RAD54L: variants seen among roughly 807,000 people sequenced by gnomAD.
RAD54L encodes the protein RAD54 like.
RAD54L carries 74 observed loss-of-function variants against 91.6 expected under a neutral mutation model. The observed-to-expected ratio is 0.81, with a 90% CI of 0.67 to 0.98. The LOEUF is 0.98. RAD54L is among the 50% of genes least tolerant of loss of function. The pLI, the probability that RAD54L is intolerant of heterozygous loss-of-function variation, is 0.00. For missense variants in RAD54L, 887 were observed against 945.7 expected (o/e 0.94, Z 0.81); for synonymous variants, 304 against 349.7 (o/e 0.87, Z 1.46).
intron 6 of RAD54L, 26 bp downstream of exon 6, chr1:46,260,637 T>C (rs1660084963): frequency 6.2e-7 from 1 of 1,613,618 alleles, no homozygotes; most frequent in East Asian, 2.2e-5. Context: ...GGGAACGAGG[T>C]ATGGGCTATG....
In RAD54L at chr1:46,278,433, A is replaced by G. The variant is rs1660689928; in HGVS notation, c.*151A>G. On this transcript the variant is annotated 3_prime_UTR_variant, in exon 18 of 18. Transcript: ENST00000371975. Reference sequence around the variant, plus strand: ...GCCCAAAATTTATTTTATAAGAAAAACTTTTTTGGTTAAAAAAAAGAATAA... The same window carrying G: ...GCCCAAAATTTATTTTATAAGAAAAGCTTTTTTGGTTAAAAAAAAGAATAA... 5.3e-6 allele frequency: 5 copies of G among 946,652 alleles called. No homozygotes were observed. The highest frequency in any genetic ancestry group is 8.1e-6 in the Non-Finnish European group (5 of 620,616). 58.6% of individuals were successfully genotyped at this position (946,652 alleles called of 1,614,324 possible).
intron 16 of RAD54L, among the ~76,000 whole-genome samples, chr1:46,277,291 TAG>T (rs1660637560): frequency 6.6e-6 from 1 of 152,344 alleles, no homozygotes; most frequent in Admixed American, 6.5e-5. Context: ...AGCTCAAGGA[TAG>T]AGTTTCAAGT....
At chr1:46,269,930 C>T (rs1272359858) in intron 9 of RAD54L, among the ~76,000 whole-genome samples, 1 of 151,746 alleles carries the variant, frequency 6.6e-6, no homozygotes, top group Non-Finnish European at 1.5e-5. Context: ...TGGCAAAATC[C>T]CATCTCTACA....
intron 9 of RAD54L, 184 bp downstream of exon 9, chr1:46,267,793 A>T: frequency 1.3e-6 from 1 of 798,068 alleles, no homozygotes; most frequent in Non-Finnish European, 2.0e-6. Context: ...TCTGCTGAGC[A>T]ACTCAGCAAA....
intron 3 of RAD54L, among the ~76,000 whole-genome samples, chr1:46,250,479 G>A (rs1659767449): frequency 6.6e-6 from 1 of 152,144 alleles, no homozygotes; most frequent in Non-Finnish European, 1.5e-5. Flanking sequence ...CACCATGGCA[G>A]GTTCTGTGCA....
chr1:46,256,964 T>C (rs1480675814), intron 3 of RAD54L, among the ~76,000 whole-genome samples: 3 of 152,154 alleles, frequency 2.0e-5, no homozygotes, highest in East Asian at 3.8e-4. Context: ...GCCAACATGG[T>C]GAAACCCTGT....
intron 10 of RAD54L, 35 bp from the exon 11 acceptor site, chr1:46,272,431 A>G (rs2148299968): frequency 6.5e-7 from 1 of 1,535,308 alleles, no homozygotes; most frequent in Non-Finnish European, 9.0e-7. Context: ...TGGCAATTTT[A>G]CCAGCCTCTT....
intron 3 of RAD54L, among the ~76,000 whole-genome samples, chr1:46,254,140 CA>C (rs1659877616): frequency 6.6e-6 from 1 of 151,798 alleles, no homozygotes; most frequent in Non-Finnish European, 1.5e-5. Flanking sequence ...ATACCTGGCA[CA>C]TTTTTGTGTT....
At position 46,273,406 on chromosome 1, in the gene RAD54L, G is replaced by T; in HGVS notation, c.1427G>T (p.Gly476Val). 6.2e-7 allele frequency: 1 copy of T among 1,614,074 alleles called. No individual in the cohort carries two copies. Among genetic ancestry groups the T allele is most frequent in the Non-Finnish European group, 8.5e-7 (1 of 1,179,932 alleles). The change falls in exon 13 of 18, where the codon GGT becomes GTT. Residue 476 changes from glycine to valine, a missense_variant. Transcript: ENST00000371975. Reference sequence around the variant, plus strand: ...GTGGAAGAGGAGGATGGCTTTGTGGGTGCCTTGGACCTCTTCCCTCCTGGT... The same window carrying T: ...GTGGAAGAGGAGGATGGCTTTGTGGTTGCCTTGGACCTCTTCCCTCCTGGT... ...KCVEEEDGFVGALDLFPPGYS... is the reference protein window; with the variant it reads ...KCVEEEDGFVVALDLFPPGYS...
intron 8 of RAD54L, among the ~76,000 whole-genome samples, chr1:46,262,365 C>T (rs1469149542): frequency 6.6e-6 from 1 of 152,014 alleles, no homozygotes; most frequent in East Asian, 1.9e-4. Flanking sequence ...CTAGATAATG[C>T]CACTGCACTC....
chr1:46,270,805 T>C lies in RAD54L; in HGVS notation c.1169+20T>C, dbSNP rs769483970. The C allele has an allele frequency of 1.9e-6, 3 of 1,610,572 alleles. No homozygotes were observed. In the South Asian group the frequency reaches 3.4e-5, roughly 18 times the overall value. On this transcript the variant is annotated intron_variant, in intron 10 of 17. Coordinates refer to ENST00000371975, the MANE Select transcript of RAD54L (RefSeq NM_003579.4). ...GAATAGGTAATGACCTTAAGCGAAGTCATTAGAATTGCCTCCCAAACCATC... is the reference window on the plus strand; with the variant it reads ...GAATAGGTAATGACCTTAAGCGAAGCCATTAGAATTGCCTCCCAAACCATC...
chr1:46,247,866 TG>T lies in RAD54L; in HGVS notation c.-537del, dbSNP rs373298587. The T allele has an allele frequency of 1.5e-3, 333 of 227,852 alleles. 3 individuals are homozygous for T. The highest frequency in any genetic ancestry group is 0.013 in the East Asian group (123 of 9,136). The allele number at this position is 227,852 out of a possible 1,614,324, so 14.1% of individuals were successfully genotyped here. ...CCCTCCTGGTATTCCCCTCCTAACC[TG>T]GGTTTTTTACACGCCCGCGTGGCTT... On this transcript the variant is annotated 5_prime_UTR_variant, in exon 1 of 18. Transcript: ENST00000371975.
chr1:46,258,556 T>C (rs887450613), intron 3 of RAD54L, 130 bp from the exon 4 acceptor site: 7 of 751,252 alleles, frequency 9.3e-6, no homozygotes, highest in African/African-American at 3.5e-5. Flanking sequence ...TATCCCTGGA[T>C]ATTTGTAGAA....
At position 46,248,504 on chromosome 1, in the gene RAD54L, C is replaced by T. The variant is rs755044029; in HGVS notation, c.4-8C>T. The T allele has an allele frequency of 6.2e-7, 1 of 1,614,096 alleles. No homozygotes were observed. Among genetic ancestry groups the T allele is most frequent in the Non-Finnish European group, 8.5e-7 (1 of 1,179,986 alleles). Reference sequence around the variant, plus strand: ...CTTGCAGGCACTGTTTCTGTTCTCCCTTTACAGAGGAGGAGCTTGGCTCCC... The same window carrying T: ...CTTGCAGGCACTGTTTCTGTTCTCCTTTTACAGAGGAGGAGCTTGGCTCCC... On this transcript the variant is annotated splice_region_variant and splice_polypyrimidine_tract_variant and intron_variant, in intron 1 of 17. Transcript: ENST00000371975.
intron 3 of RAD54L, among the ~76,000 whole-genome samples, chr1:46,252,638 G>C (rs1659834040): frequency 1.3e-5 from 2 of 152,162 alleles, no homozygotes; most frequent in South Asian, 4.1e-4. Flanking sequence ...AGGGAACACA[G>C]AAGAAGAATG....
rs747452312 is a variant in RAD54L at position 46,278,180 on chromosome 1, G to C, written c.2142G>C (p.Gly714=). 3.1e-6 allele frequency: 5 copies of C among 1,613,732 alleles called. No individual in the cohort carries two copies. The South Asian group carries it at 4.4e-5, about 14-fold the overall frequency. The change falls in exon 18 of 18, where the codon GGG becomes GGC. Residue 714 remains glycine, a synonymous_variant. Coordinates refer to ENST00000371975, the MANE Select transcript of RAD54L (RefSeq NM_003579.4). ...GGAACCACTGCACTGATAAGTGGGG[G>C]CTCCGGGATGAGGTACTCCAGGCTG... The part of the protein sequence containing the change: ...AGWNHCTDKW[G]LRDEVLQAAW...
rs1659689650 is a variant in RAD54L, at chr1:46,247,933, C to G, written c.-473C>G. ...TGAGTCTGATCCTGGTTTCCACCTC[C>G]AGCCCTGGGAAATTTCCTTTCTCCA... is the stretch of plus-strand genomic sequence containing the variant. On this transcript the variant is annotated 5_prime_UTR_variant, in exon 1 of 18. Transcript: ENST00000371975. 3.5e-6 allele frequency: 1 copy of G among 283,340 alleles called. No homozygotes were observed. The allele number at this position is 283,340 out of a possible 1,614,324, so 17.6% of individuals were successfully genotyped here.
Position 46,273,735 on chromosome 1 carries a change from G to GCCGTGC in RAD54L, c.1602_1607dup (p.Ala535_Arg536dup). The GCCGTGC allele has an allele frequency of 6.2e-7, 1 of 1,608,848 alleles. No individual in the cohort carries two copies. Among genetic ancestry groups the GCCGTGC allele is most frequent in the African/African-American group, 1.3e-5 (1 of 74,974 alleles). ...ACTTTGGATCTCTTTGAGAAGCTGT[G>GCCGTGC]CCGTGCCCGAAGGTAGGGAAGATCC... On this transcript the variant is annotated inframe_insertion, in exon 14 of 18. Transcript: ENST00000371975.
chr1:46,277,993 C>T lies in RAD54L; in HGVS notation c.2033+13C>T. 1 of 1,614,080 alleles carries T rather than the reference C, an allele frequency of 6.2e-7. No homozygotes were observed. The highest frequency in any genetic ancestry group is 8.5e-7 in the Non-Finnish European group (1 of 1,180,024). On this transcript the variant is annotated intron_variant, in intron 17 of 17. Transcript: ENST00000371975. ...ACACACATGACAGGTGGGGAAGTGC[C>T]CTAACCATTATCTCTAAGCTACCCA...
Sources: allele counts gnomAD v4.1 joint callset (sites outside exome capture counted in the v4.1 genomes callset), GRCh38; gene constraint gnomAD v4.1.1; transcripts MANE v1.5; gene names NCBI Gene and HGNC (gene_info 2026-07-23, HGNC 2026-07-21).